The following OSGIN1 variants were observed in gnomAD, a reference collection of about 807,000 sequenced individuals.
OSGIN1 encodes the protein oxidative stress induced growth inhibitor 1.
Under a neutral mutation model 20.1 loss-of-function variants are expected in OSGIN1, and 19 were observed. That is an observed-to-expected ratio of 0.95 (90% CI 0.66 to 1.39). The LOEUF (loss-of-function observed/expected upper bound fraction) is 1.39, where lower values mean the gene tolerates loss of function less well. Ranked by LOEUF, OSGIN1 falls within the 40% of genes most tolerant of loss-of-function variation. OSGIN1 has a pLI of 0.00. For missense variants in OSGIN1, 820 were observed against 653.0 expected (o/e 1.26, Z -2.79); for synonymous variants, 368 against 297.8 (o/e 1.24, Z -2.43).
chr16:83,962,395 C>T (rs1205654895), intron 5 of OSGIN1, among the ~76,000 whole-genome samples: 1 of 152,202 alleles, frequency 6.6e-6, no homozygotes, highest in Non-Finnish European at 1.5e-5. Flanking sequence ...CCCACCACCA[C>T]ACCCGGCTAA....
At chr16:83,954,768 T>C in intron 1 of OSGIN1, 1 of 984,590 alleles carries the variant, frequency 1.0e-6, no homozygotes, top group Non-Finnish European at 1.2e-6. Context: ...TAAACCAGTG[T>C]CCTCTGCTGC....
At position 83,965,881 on chromosome 16, in the gene OSGIN1, C is replaced by A. The variant is rs776460476; in HGVS notation, c.1308C>A (p.Ser436Arg). ...PIDVDPFTYQSTRQEGLYAMG... is the reference protein window; with the variant it reads ...PIDVDPFTYQRTRQEGLYAMG... ...ACGTGGACCCCTTCACCTACCAGAGCACCCGCCAGGAGGGCCTGTACGCCA... is the reference window on the plus strand; with the variant it reads ...ACGTGGACCCCTTCACCTACCAGAGAACCCGCCAGGAGGGCCTGTACGCCA... The change falls in exon 6 of 6, where the codon AGC (serine) becomes AGA (arginine). Residue 436 changes from serine (S) to arginine (R), a missense_variant. Transcript: ENST00000393306. The A allele has an allele frequency of 6.2e-7, 1 of 1,612,896 alleles. No homozygotes were observed. The highest frequency in any genetic ancestry group is 1.1e-5 in the South Asian group (1 of 91,088).
rs77204347 is a variant in OSGIN1, at chr16:83,966,048, A to G, written c.*41A>G. The G allele has an allele frequency of 0.12, 176,198 of 1,410,652 alleles. 12,004 individuals are homozygous for G. Among genetic ancestry groups the G allele is most frequent in the South Asian group, 0.17 (11,991 of 70,548 alleles). 87.4% of individuals were successfully genotyped at this position (1,410,652 alleles called of 1,614,324 possible). On this transcript the variant is annotated 3_prime_UTR_variant, in exon 6 of 6. Coordinates refer to ENST00000393306, the MANE Select transcript of OSGIN1 (RefSeq NM_182981.3). ...GCTGGCTCCCAGGCCCTGAGAGGAC[A>G]GAGATGACCACATCCCTGCTGGATG...
At position 83,959,354 on chromosome 16, in the gene OSGIN1, G is replaced by A. The variant is rs1479999171; in HGVS notation, c.162G>A (p.Gln54=). Residue 54 remains glutamine, a synonymous_variant, in exon 3 of 6, where the codon CAG becomes CAA. Coordinates refer to ENST00000393306, the MANE Select transcript of OSGIN1 (RefSeq NM_182981.3). ...PDAIHPHPLL[Q]RKLTEAPGVS... is the part of the protein sequence containing the mutation. Reference sequence around the variant, plus strand: ...CCATCCACCCACACCCCCTGCTGCAGAGGAAGCTCACCGAGGCCCCGGGGG... The same window carrying A: ...CCATCCACCCACACCCCCTGCTGCAAAGGAAGCTCACCGAGGCCCCGGGGG... 2.5e-6 allele frequency: 4 copies of A among 1,613,754 alleles called. No individual in the cohort carries two copies. Among genetic ancestry groups the A allele is most frequent in the Non-Finnish European group, 2.5e-6 (3 of 1,180,004 alleles).
In OSGIN1 at chr16:83,965,086, T is replaced by G. The variant is rs1217340935; in HGVS notation, c.513T>G (p.Thr171=). 5 of 1,453,630 alleles carry G rather than the reference T, an allele frequency of 3.4e-6. No individual in the cohort carries two copies. Among genetic ancestry groups the G allele is most frequent in the Non-Finnish European group, 4.6e-6 (5 of 1,075,606 alleles). The allele number at this position is 1,453,630 out of a possible 1,614,324, so 90.0% of individuals were successfully genotyped here. The change falls in exon 6 of 6, where the codon ACT becomes ACG. Residue 171 remains threonine (T), a synonymous_variant. Coordinates refer to ENST00000393306, the MANE Select transcript of OSGIN1 (RefSeq NM_182981.3). ...KRRGLRNSRA[T]AGDIAHYYRD... ...GAGGTCTTCGCAACAGCCGGGCCAC[T>G]GCCGGGGACATCGCCCACTACTACA...
rs919564772 is a variant in OSGIN1 at position 83,965,488 on chromosome 16, C to T, written c.915C>T (p.Arg305=). The part of the protein sequence containing the change: ...LSAADAVLYA[R]HYNIPVIHAF... The stretch of plus-strand genomic sequence containing the variant: ...CGGCCGACGCGGTCCTCTACGCCCG[C>T]CACTACAACATCCCGGTGATCCATG... Residue 305 remains arginine (R), a synonymous_variant, in exon 6 of 6, where the codon CGC becomes CGT. Transcript: ENST00000393306. 1 of 1,610,680 alleles carries T rather than the reference C, an allele frequency of 6.2e-7. No homozygotes were observed. Among genetic ancestry groups the T allele is most frequent in the African/African-American group, 1.3e-5 (1 of 74,946 alleles).
chr16:83,959,436 C>T (rs768613308), intron 3 of OSGIN1, 40 bp downstream of exon 3: 10 of 1,548,398 alleles, frequency 6.5e-6, no homozygotes, highest in Non-Finnish European at 7.9e-6. Context: ...TAGTACATAC[C>T]CGCCCTTGGA....
At position 83,953,923 on chromosome 16, in the gene OSGIN1, C is replaced by T. The variant is rs1448475162; in HGVS notation, c.-33+553C>T. ...CAGGAGACCCTGGGCTCCAGGTGTGCGGCACTGGGGCGAGGGCTCGTCTGT... is the reference window on the plus strand; with the variant it reads ...CAGGAGACCCTGGGCTCCAGGTGTGTGGCACTGGGGCGAGGGCTCGTCTGT... On this transcript the variant is annotated intron_variant, in intron 1 of 5. Transcript: ENST00000393306. 2.0e-5 allele frequency among the ~76,000 whole-genome samples: 3 copies of T among 152,350 alleles called. No homozygotes were observed. The East Asian group carries it at 5.8e-4, about 29-fold the overall frequency.
At chr16:83,963,041 G>C (rs2084233880) in intron 5 of OSGIN1, among the ~76,000 whole-genome samples, 1 of 152,154 alleles carries the variant, frequency 6.6e-6, no homozygotes, top group Non-Finnish European at 1.5e-5. Flanking sequence ...AGATACCTGG[G>C]TGCAGTCTGC....
At chr16:83,955,228 T>C (rs1016293219) in intron 1 of OSGIN1, among the ~76,000 whole-genome samples, 5 of 152,126 alleles carry the variant, frequency 3.3e-5, no homozygotes, top group Admixed American at 1.3e-4. Context: ...GAGAAAGCAC[T>C]CTGAGACCCG....
In OSGIN1 at chr16:83,960,734, C is replaced by T. The variant is rs778125402; in HGVS notation, c.370C>T (p.Arg124Trp). 1.5e-5 allele frequency: 24 copies of T among 1,613,232 alleles called. No homozygotes were observed. The highest frequency in any genetic ancestry group is 1.8e-5 in the Non-Finnish European group (21 of 1,180,020). The part of the protein sequence containing the change: ...EHAIPHVVLG[R>W]NLPGGAWHSI... ...CGCCATCCCCCACGTGGTTCTGGGC[C>T]GGAACCTCCCCGGGGGAGCCTGGCA... is the stretch of plus-strand genomic sequence containing the variant. Residue 124 changes from arginine (R) to tryptophan (W), a missense_variant, in exon 4 of 6, where the codon CGG becomes TGG. Physicochemically the swap from Arg to Trp is moderately radical, Grantham distance 101 (BLOSUM62 -3). Coordinates refer to ENST00000393306, the MANE Select transcript of OSGIN1 (RefSeq NM_182981.3).
In OSGIN1 at chr16:83,962,301, C is replaced by T. The variant is rs948789772; in HGVS notation, c.488+1229C>T. Among the ~76,000 whole-genome samples the T allele has an allele frequency of 2.4e-4, 37 of 152,248 alleles. 1 individual carries two copies. The highest frequency in any genetic ancestry group is 1.6e-3 in the Admixed American group (24 of 15,294). ...TCGCCCAGGCTGGAGTGCAGTGGCG[C>T]GATCTCAGCTCACTGCAAGCTCCGC... On this transcript the variant is annotated intron_variant, in intron 5 of 5. Coordinates refer to ENST00000393306, the MANE Select transcript of OSGIN1 (RefSeq NM_182981.3).
In OSGIN1 at chr16:83,959,264, C is replaced by T. The variant is rs199666725; in HGVS notation, c.72C>T (p.Asn24=). ...ACCTCCACCCTCTCTCCCCAGGTAA[C>T]GGCCCCTCTGGTATCTGCCTGTCCT... ...SEPLPVIIVG[N]GPSGICLSYL... The change falls in exon 3 of 6, where the codon AAC becomes AAT. Residue 24 remains asparagine (N), a synonymous_variant. Transcript: ENST00000393306. The T allele has an allele frequency of 8.1e-6, 13 of 1,613,258 alleles. No individual in the cohort carries two copies. Among genetic ancestry groups the T allele is most frequent in the South Asian group, 7.7e-5 (7 of 90,988 alleles).
intron 1 of OSGIN1, among the ~76,000 whole-genome samples, chr16:83,956,762 A>G (rs1908948790): frequency 6.6e-6 from 1 of 152,234 alleles, no homozygotes; most frequent in Non-Finnish European, 1.5e-5. Flanking sequence ...CTGTGCCCAC[A>G]AGGGTGTTGC....
intron 3 of OSGIN1, among the ~76,000 whole-genome samples, chr16:83,959,890 ACT>A (rs1909121396): frequency 6.6e-6 from 1 of 152,012 alleles, no homozygotes; most frequent in Non-Finnish European, 1.5e-5. Flanking sequence ...AGGTTGAGAA[ACT>A]CCACCACAGA....
chr16:83,961,016 C>T lies in OSGIN1; in HGVS notation c.432C>T (p.Gly144=). 6.2e-7 allele frequency: 1 copy of T among 1,613,648 alleles called. No individual in the cohort carries two copies. The highest frequency in any genetic ancestry group is 1.7e-4 in the Middle Eastern group (1 of 6,060). ...IEGSMVILSQ[G]QWMGLPDLEV... is the part of the protein sequence containing the mutation. ...GCTCCATGGTGATCCTGAGCCAAGG[C>T]CAGTGGATGGGGCTCCCGGACCTGG... The change falls in exon 5 of 6, where the codon GGC becomes GGT. Residue 144 remains glycine (G), a synonymous_variant. Transcript: ENST00000393306.
chr16:83,963,190 C>A (rs552230820), intron 5 of OSGIN1, among the ~76,000 whole-genome samples: 1 of 152,340 alleles, frequency 6.6e-6, no homozygotes, highest in South Asian at 2.1e-4. Flanking sequence ...GGCAGGAAGA[C>A]TTCCAGGTTT....
At position 83,965,056 on chromosome 16, in the gene OSGIN1, C is replaced by T. The variant is rs763533375; in HGVS notation, c.489-6C>T. ...TGACTCTGGCGTCCTGCATCCTCCC[C>T]AACAGAGGTCTTCGCAACAGCCGGG... On this transcript the variant is annotated splice_region_variant and splice_polypyrimidine_tract_variant and intron_variant, in intron 5 of 5. Transcript: ENST00000393306. 7 of 1,583,944 alleles carry T rather than the reference C, an allele frequency of 4.4e-6. No individual in the cohort carries two copies. Among genetic ancestry groups the T allele is most frequent in the Non-Finnish European group, 6.0e-6 (7 of 1,161,004 alleles).
chr16:83,965,590 G>C lies in OSGIN1; in HGVS notation c.1017G>C (p.Lys339Asn). The C allele has an allele frequency of 1.2e-6, 2 of 1,613,060 alleles. No homozygotes were observed. The highest frequency in any genetic ancestry group is 1.7e-5 in the Admixed American group (1 of 60,020). The change falls in exon 6 of 6, where the codon AAG becomes AAC. Residue 339 changes from lysine (K) to asparagine (N), a missense_variant. Coordinates refer to ENST00000393306, the MANE Select transcript of OSGIN1 (RefSeq NM_182981.3). ...AGATGCTGTACCCCGAGTACCACAA[G>C]GTGCACCAGATGATGCGGGAGCAGT... The part of the protein sequence containing the change: ...LPKMLYPEYH[K>N]VHQMMREQSI...
Sources: gnomAD v4.1 joint callset for allele counts (sites outside exome capture counted in the v4.1 genomes callset) on GRCh38, gnomAD v4.1.1 for gene constraint, MANE v1.5 for transcripts, NCBI Gene and HGNC (gene_info 2026-07-23, HGNC 2026-07-21) for gene names.